Variants in AP2A2 observed in about 807,000 individuals in gnomAD.
The protein encoded by AP2A2 is adaptor related protein complex 2 subunit alpha 2, also known as AP-2 complex subunit alpha-2.
A neutral mutation model predicts 104.2 loss-of-function variants in AP2A2; 32 were observed. The observed-to-expected ratio is 0.31, with a 90% confidence interval of 0.23 to 0.41. AP2A2 has a LOEUF of 0.41. Ranked by LOEUF, AP2A2 falls within the 10% of genes least tolerant of loss-of-function variation. AP2A2 has a pLI of 1.00. For synonymous variants in AP2A2, 539 were observed against 533.3 expected (o/e 1.01, Z -0.15); for missense variants, 912 against 1,261.0 (o/e 0.72, Z 4.19).
chr11:995,336 C>T (rs1855814823), intron 14 of AP2A2: 1 of 455,800 alleles, frequency 2.2e-6, no homozygotes, highest in Non-Finnish European at 4.4e-6. Flanking sequence ...TGGTATTTGT[C>T]AGGTGAGAAG....
At chr11:995,629 G>C (rs1174591820) in intron 14 of AP2A2, among the ~76,000 whole-genome samples, 7 of 150,394 alleles carry the variant, frequency 4.7e-5, no homozygotes, top group Admixed American at 4.6e-4. Context: ...ACCTGCTTAT[G>C]TGCCCCGGCT....
At chr11:971,595 G>C (rs950807555) in intron 3 of AP2A2, among the ~76,000 whole-genome samples, 2 of 151,966 alleles carry the variant, frequency 1.3e-5, no homozygotes, top group Non-Finnish European at 1.5e-5. Context: ...GGGGGTGGAG[G>C]GGGGCGGCAT....
chr11:936,082 T>C (rs559867597), intron 1 of AP2A2, among the ~76,000 whole-genome samples: 1 of 150,234 alleles, frequency 6.7e-6, no homozygotes, highest in Admixed American at 6.6e-5. Context: ...TTTTTTTTTT[T>C]ATTTTTAGTA....
rs761744137 is a variant in AP2A2 at position 1,000,433 on chromosome 11, C to T, written c.1958C>T (p.Ser653Phe). The change falls in exon 15 of 22, where the codon TCT becomes TTT. Residue 653 changes from serine to phenylalanine, a missense_variant and splice_region_variant. Ser to Phe is a radical substitution (Grantham distance 155). Transcript: ENST00000448903. ...ATGCTCTCCTTCCTTCTCTTCCAGTCTACGCCTTCTCCGTCGGCAGACCTG... is the reference window on the plus strand; with the variant it reads ...ATGCTCTCCTTCCTTCTCTTCCAGTTTACGCCTTCTCCGTCGGCAGACCTG... The part of the protein sequence containing the change: ...EPAPASTSAV[S>F]TPSPSADLLG... 6.5e-7 allele frequency: 1 copy of T among 1,544,220 alleles called. No individual in the cohort carries two copies. The highest frequency in any genetic ancestry group is 8.7e-7 in the Non-Finnish European group (1 of 1,147,578).
intron 1 of AP2A2, among the ~76,000 whole-genome samples, chr11:949,787 A>AG: frequency 6.6e-6 from 1 of 151,822 alleles, no homozygotes; most frequent in African/African-American, 2.4e-5. Flanking sequence ...AAAAGAAAAA[A>AG]AAAAAAACAG....
intron 15 of AP2A2, among the ~76,000 whole-genome samples, chr11:1,003,122 C>T (rs1338232115): frequency 1.3e-5 from 2 of 152,236 alleles, no homozygotes; most frequent in African/African-American, 4.8e-5. Context: ...TTTATTTTCC[C>T]CTAATTCTGT....
intron 6 of AP2A2, 145 bp downstream of exon 6, chr11:981,444 G>T (rs1855237469): frequency 1.5e-6 from 1 of 670,274 alleles, no homozygotes; most frequent in South Asian, 1.8e-5. Flanking sequence ...CAGCCTTCTT[G>T]TTGAGAACTG....
chr11:997,866 C>G (rs879404402), intron 14 of AP2A2, among the ~76,000 whole-genome samples: 1 of 152,206 alleles, frequency 6.6e-6, no homozygotes, highest in Non-Finnish European at 1.5e-5. Flanking sequence ...GATTGCACCA[C>G]TGCACTCCAG....
rs1212901774 is a variant in AP2A2, at chr11:968,059, G to A, written c.137-2110G>A. 2.6e-5 allele frequency among the ~76,000 whole-genome samples: 4 copies of A among 152,160 alleles called. No individual in the cohort carries two copies. Among genetic ancestry groups the A allele is most frequent in the East Asian group, 3.9e-4 (2 of 5,182 alleles). On this transcript the variant is annotated intron_variant, in intron 2 of 21. Transcript: ENST00000448903. This position sits in a 1 kb window ranked among gnomAD's most constrained non-coding sequence, Gnocchi z 4.2. ...GGGCTCACCTGCCACCTGCCCCACCGAGATGGGTGAGGGTGTGGAGCGAGC... is the reference window on the plus strand; with the variant it reads ...GGGCTCACCTGCCACCTGCCCCACCAAGATGGGTGAGGGTGTGGAGCGAGC...
chr11:978,788 C>T (rs560888594), intron 5 of AP2A2, among the ~76,000 whole-genome samples: 3 of 152,226 alleles, frequency 2.0e-5, no homozygotes, highest in Non-Finnish European at 2.9e-5. Context: ...GAGTGAGCTC[C>T]CCCATGTGTC....
chr11:959,137 G>A (rs1380963454), intron 1 of AP2A2, among the ~76,000 whole-genome samples: 1 of 152,254 alleles, frequency 6.6e-6, no homozygotes, highest in Non-Finnish European at 1.5e-5. Flanking sequence ...GGTAGAGTTA[G>A]AAATGGTGCT....
At chr11:948,136 CAAG>C (rs1265334336) in intron 1 of AP2A2, among the ~76,000 whole-genome samples, 1 of 151,948 alleles carries the variant, frequency 6.6e-6, no homozygotes, top group Non-Finnish European at 1.5e-5. Context: ...AAACCTAAAA[CAAG>C]AAGGAAGAAA....
At chr11:987,007 TTCCTGTGAA>T in intron 9 of AP2A2, 54 bp downstream of exon 9, 1 of 1,531,146 alleles carries the variant, frequency 6.5e-7, no homozygotes, top group South Asian at 1.2e-5. Context: ...GCCGTGGGTC[TTCCTGTGAA>T]GGCTGGGGGT....
intron 21 of AP2A2, chr11:1,010,336 C>T (rs573988494): frequency 4.1e-5 from 24 of 590,702 alleles, no homozygotes; most frequent in Middle Eastern, 8.9e-4. Context: ...TTTGCACTCC[C>T]GCCAGCTACG....
intron 3 of AP2A2, among the ~76,000 whole-genome samples, chr11:971,055 G>A (rs1854810935): frequency 6.6e-6 from 1 of 152,250 alleles, no homozygotes; most frequent in Non-Finnish European, 1.5e-5. Flanking sequence ...AAGAGAGACT[G>A]TAGATGTCTT....
Position 993,408 on chromosome 11 carries a change from T to C in AP2A2, c.1550+27T>C. The C allele has an allele frequency of 6.4e-7, 1 of 1,565,714 alleles. No individual in the cohort carries two copies. The highest frequency in any genetic ancestry group is 1.4e-5 in the African/African-American group (1 of 72,884). ...TGAGAGGCCCTTTGCGAGTCGGGGC[T>C]GTGTGCGCTCCGGCGGGCCTCTCGG... On this transcript the variant is annotated intron_variant, in intron 12 of 21. Coordinates refer to ENST00000448903, the MANE Select transcript of AP2A2 (RefSeq NM_012305.4). The surrounding 1 kb of genome is among the most constrained non-coding windows in gnomAD (Gnocchi z 8.2).
chr11:941,106 G>A (rs141102526), intron 1 of AP2A2, among the ~76,000 whole-genome samples: 1 of 152,338 alleles, frequency 6.6e-6, no homozygotes, highest in Non-Finnish European at 1.5e-5. Flanking sequence ...TCTCATGGCA[G>A]GGATCTGCTG....
At chr11:998,233 G>A (rs984560106) in intron 14 of AP2A2, among the ~76,000 whole-genome samples, 6 of 152,152 alleles carry the variant, frequency 3.9e-5, no homozygotes, top group African/African-American at 4.8e-5. Context: ...GACCCGTGTC[G>A]TCTTCTCTTG....
Position 986,735 on chromosome 11 carries a change from G to GTGT in AP2A2, c.963-47_963-45dup, listed in dbSNP as rs138971712. On this transcript the variant is annotated intron_variant, in intron 8 of 21. Coordinates refer to ENST00000448903, the MANE Select transcript of AP2A2 (RefSeq NM_012305.4). ...GGGGAACGCAGACTCTGTCCAGTTT[G>GTGT]TGTTGCACTTGCTGAGGAAACCCCA... The GTGT allele has an allele frequency of 2.6e-3, 4,148 of 1,594,926 alleles. 84 individuals are homozygous for GTGT. The African/African-American group carries it at 0.049, about 19-fold the overall frequency.
Sources: gnomAD v4.1 joint callset for allele counts (sites outside exome capture counted in the v4.1 genomes callset) on GRCh38, gnomAD v4.1.1 for gene constraint, Gnocchi (gnomAD v3.1) non-coding constraint, MANE v1.5 for transcripts, NCBI Gene and HGNC (gene_info 2026-07-23, HGNC 2026-07-21) for gene names.